Variants in SH3KBP1 observed in about 807,000 individuals in gnomAD.
SH3KBP1 encodes the protein SH3 domain containing kinase binding protein 1.
A neutral mutation model predicts 50.1 loss-of-function variants in SH3KBP1; 8 were observed. The ratio of observed to expected loss-of-function variants is 0.16; its 90% CI spans 0.09 to 0.29. The LOEUF is 0.29. Among genes scored for constraint, SH3KBP1 ranks in the 10% least tolerant of loss-of-function variants. SH3KBP1 has a pLI of 1.00. For synonymous variants in SH3KBP1, 227 were observed against 218.6 expected, an observed-to-expected ratio of 1.04 and a Z score of -0.34; for missense variants, 377 against 535.2, an observed-to-expected ratio of 0.70 and a Z score of 2.92.
At chrX:19,658,146 A>C (rs2062342613) in intron 6 of SH3KBP1, among the ~76,000 whole-genome samples, 1 of 111,815 alleles carries the variant, frequency 8.9e-6, no homozygotes, top group African/African-American at 3.3e-5. Flanking sequence ...GGGTGGAAAA[A>C]AAAGTTGCTC....
chrX:19,741,299 G>A (rs926268148), intron 3 of SH3KBP1, among the ~76,000 whole-genome samples: 3 of 111,809 alleles, frequency 2.7e-5, no homozygotes, highest in African/African-American at 6.5e-5. Context: ...ATCTCACCTC[G>A]TAGCATCAGA....
intron 2 of SH3KBP1, among the ~76,000 whole-genome samples, chrX:19,813,145 A>G (rs1278135812): frequency 1.0e-5 from 1 of 98,499 alleles, no homozygotes; most frequent in Non-Finnish European, 2.0e-5. Context: ...CCTGTCTCCA[A>G]AAACAAACAA....
chrX:19,685,387 T>C (rs1462742571), intron 5 of SH3KBP1, among the ~76,000 whole-genome samples: 1 of 112,345 alleles, frequency 8.9e-6, no homozygotes, highest in Non-Finnish European at 1.9e-5. Context: ...CTTAAAACAA[T>C]GGTTTTGTTT....
intron 9 of SH3KBP1, among the ~76,000 whole-genome samples, chrX:19,603,523 G>A (rs901745088): frequency 2.9e-4 from 32 of 112,096 alleles, no homozygotes; most frequent in Admixed American, 2.5e-3. Flanking sequence ...CCCTGAGGCT[G>A]AGCTCCCACT....
intron 16 of SH3KBP1, among the ~76,000 whole-genome samples, chrX:19,539,306 G>A (rs186258873): frequency 8.9e-6 from 1 of 112,267 alleles, no homozygotes; most frequent in Non-Finnish European, 1.9e-5. Context: ...TTCTCACTTC[G>A]GATGAGCACG....
intron 1 of SH3KBP1, among the ~76,000 whole-genome samples, chrX:19,864,970 T>G (rs1286443403): frequency 8.9e-6 from 1 of 112,146 alleles, no homozygotes; most frequent in Non-Finnish European, 1.9e-5. Context: ...GAAAACACAC[T>G]GTGGTTTTGT....
chrX:19,883,405 C>T (rs1432360988), intron 1 of SH3KBP1, among the ~76,000 whole-genome samples: 1 of 112,509 alleles, frequency 8.9e-6, no homozygotes, highest in Non-Finnish European at 1.9e-5. Context: ...TCTCTCTTCC[C>T]TTAGTATAGC....
At chrX:19,614,013 G>C (rs1490631738) in intron 8 of SH3KBP1, among the ~76,000 whole-genome samples, 1 of 113,115 alleles carries the variant, frequency 8.8e-6, no homozygotes, top group Non-Finnish European at 1.9e-5. Flanking sequence ...GTGACCAGGA[G>C]AGCTGCTTAA....
chrX:19,836,369 C>T, intron 1 of SH3KBP1, 87 bp from the exon 2 acceptor site: 1 of 795,155 alleles, frequency 1.3e-6, no homozygotes, highest in Non-Finnish European at 1.9e-6. Flanking sequence ...AGTAAAGTAA[C>T]ATTAAAGGGA....
chrX:19,649,906 G>T (rs1436794477), intron 6 of SH3KBP1, among the ~76,000 whole-genome samples: 2 of 112,420 alleles, frequency 1.8e-5, no homozygotes, highest in African/African-American at 6.5e-5. Flanking sequence ...CAGAACGTGA[G>T]ACCAAGATCC....
intron 2 of SH3KBP1, among the ~76,000 whole-genome samples, chrX:19,824,504 C>CA (rs1184704199): frequency 1.8e-5 from 2 of 111,359 alleles, no homozygotes; most frequent in Non-Finnish European, 3.8e-5. Context: ...TGACGTAGTG[C>CA]ACCTGGAGCA....
rs769338873 is a variant in SH3KBP1 at position 19,537,729 on chromosome X, C to G, written c.1944G>C (p.Arg648=). ...LSELDEEKKI[R]LRLQMEVNDI... ...CAAAGGGACGCACCTGCAACCGAAG[C>G]CGGATTTTCTTCTCTTCATCCAACT... is the stretch of plus-strand genomic sequence containing the variant. Residue 648 remains arginine (R), a synonymous_variant, in exon 17 of 18, where the codon CGG becomes CGC. Transcript: ENST00000397821. The G allele has an allele frequency of 2.5e-6, 3 of 1,209,213 alleles. No homozygotes were observed. Among genetic ancestry groups the G allele is most frequent in the Non-Finnish European group, 3.4e-6 (3 of 894,741 alleles).
chrX:19,641,926 G>A (rs1238751617), intron 7 of SH3KBP1, among the ~76,000 whole-genome samples: 1 of 111,600 alleles, frequency 9.0e-6, no homozygotes, highest in Non-Finnish European at 1.9e-5. Context: ...CACAGCCTTG[G>A]ACCTCCTGGG....
chrX:19,571,199 C>T (rs12157000), intron 12 of SH3KBP1, among the ~76,000 whole-genome samples: 34,095 of 111,252 alleles, frequency 0.31, 5,185 homozygotes, highest in African/African-American at 0.6. Context: ...GGAGTGTGTG[C>T]TATGATGCTG....
In SH3KBP1 at chrX:19,751,091, G is replaced by A. The variant is rs761446696; in HGVS notation, c.163-4650C>T. ...GTGGAAACCTTAGCTTCCCTCCACA[G>A]TTAAGTGATGTAACAGATCACCTTA... is the stretch of plus-strand genomic sequence containing the variant. On this transcript the variant is annotated intron_variant, in intron 2 of 17. Transcript: ENST00000397821. 1.1e-4 allele frequency among the ~76,000 whole-genome samples: 12 copies of A among 112,122 alleles called. No homozygotes were observed. In the East Asian group the frequency reaches 3.1e-3, roughly 29 times the overall value.
intron 6 of SH3KBP1, among the ~76,000 whole-genome samples, chrX:19,664,362 A>C (rs1462905357): frequency 9.0e-6 from 1 of 111,413 alleles, no homozygotes; most frequent in Non-Finnish European, 1.9e-5. Context: ...ACTGATATGG[A>C]AAAGTCAGGG....
intron 1 of SH3KBP1, among the ~76,000 whole-genome samples, chrX:19,848,195 C>T (rs1338568092): frequency 9.0e-6 from 1 of 111,690 alleles, no homozygotes; most frequent in African/African-American, 3.3e-5. Context: ...AGCCAGCTAC[C>T]CTTAGATAAA....
Position 19,542,054 on chromosome X carries a change from G to A in SH3KBP1, c.1763C>T (p.Pro588Leu), listed in dbSNP as rs201884637. 6.2e-5 allele frequency: 75 copies of A among 1,210,379 alleles called. No homozygotes were observed. The East Asian group carries it at 1.7e-3, about 27-fold the overall frequency. ...LGTAGHRANS[P>L]SLFGTEGKPK... ...TTTTCCTTCCGTGCCGAACAGAGAC[G>A]GGGAGTTGGCTCTGTGTCCAGCTGT... Residue 588 changes from proline (P) to leucine (L), a missense_variant, in exon 16 of 18, where the codon CCG becomes CTG. By Grantham distance (98) the Pro-to-Leu change is moderately conservative. This residue lies in a region of SH3KBP1 where 110 missense variants were observed against 124.1 expected (regional missense o/e 0.89). Transcript: ENST00000397821.
intron 1 of SH3KBP1, among the ~76,000 whole-genome samples, chrX:19,862,118 T>C (rs748267639): frequency 9.8e-5 from 11 of 112,176 alleles, no homozygotes; most frequent in Admixed American, 8.5e-4. Flanking sequence ...CTTCATGATC[T>C]TGATCTCACC....
Sources: gnomAD v4.1 joint callset for allele counts (sites outside exome capture counted in the v4.1 genomes callset) on GRCh38, gnomAD v4.1.1 for gene constraint, gnomAD v4.1.1 regional missense constraint, MANE v1.5 for transcripts, NCBI Gene and HGNC (gene_info 2026-07-23, HGNC 2026-07-21) for gene names.